Variants in MUC7 observed in about 807,000 individuals in gnomAD.
MUC7 encodes the protein mucin-7.
In MUC7, 2 loss-of-function variants were observed where a neutral mutation model predicts 2.5. The ratio of observed to expected loss-of-function variants is 0.81; its 90% CI spans 0.33 to 2.55. The LOEUF (loss-of-function observed/expected upper bound fraction) is 2.55. Among genes scored for constraint, MUC7 ranks in the 30% most tolerant of loss-of-function variants. MUC7 has a pLI of 0.11. For synonymous variants in MUC7, 133 were observed against 173.4 expected (o/e 0.77, Z 1.83); for missense variants, 408 against 455.6 (o/e 0.90, Z 0.95).
intron 1 of MUC7, among the ~76,000 whole-genome samples, chr4:70,449,856 C>A (rs1260381791): frequency 3.3e-5 from 5 of 152,192 alleles, no homozygotes; most frequent in Admixed American, 3.3e-4. Flanking sequence ...GTGACACAAG[C>A]ACCTCTGTGG....
At chr4:70,434,330 G>T (rs1054141755) in intron 1 of MUC7, among the ~76,000 whole-genome samples, 2 of 152,136 alleles carry the variant, frequency 1.3e-5, no homozygotes, top group African/African-American at 4.8e-5. Flanking sequence ...GTAGAATTCA[G>T]CTGTGAATCC....
At chr4:70,449,389 T>TA (rs1262264860) in intron 1 of MUC7, among the ~76,000 whole-genome samples, 10 of 152,154 alleles carry the variant, frequency 6.6e-5, no homozygotes, top group African/African-American at 1.4e-4. Context: ...GGTTTCCCCT[T>TA]AAAAAACCAC....
rs767498327 is a variant in MUC7 at position 70,481,118 on chromosome 4, C to T, written c.374C>T (p.Thr125Ile). ...CCATCAGCTTCCACCAAAATTACTACCCTTCCAAATGTGACTTTTCTTCCC... is the reference window on the plus strand; with the variant it reads ...CCATCAGCTTCCACCAAAATTACTATCCTTCCAAATGTGACTTTTCTTCCC... ...TFPSASTKIT[T>I]LPNVTFLPQN... The change falls in exon 3 of 3, where the codon ACC becomes ATC. Residue 125 changes from threonine to isoleucine, a missense_variant. By Grantham distance (89) the Thr-to-Ile change is moderately conservative. Transcript: ENST00000304887. 8 of 1,614,172 alleles carry T rather than the reference C, an allele frequency of 5.0e-6. No individual in the cohort carries two copies. In the East Asian group the frequency reaches 1.3e-4, roughly 27 times the overall value.
Position 70,481,690 on chromosome 4 carries a change from A to T in MUC7, c.946A>T (p.Thr316Ser). The change falls in exon 3 of 3, where the codon ACT becomes TCT. Residue 316 changes from threonine (T) to serine (S), a missense_variant. Thr to Ser is a moderately conservative substitution (Grantham distance 58). Coordinates refer to ENST00000304887, the MANE Select transcript of MUC7 (RefSeq NM_152291.3). ...AATTACCACACCTAATTCTTCCCCA[A>T]CTACTCTTGCACCTGACACTTCTGA... ...APITTPNSSP[T>S]TLAPDTSETS... is the part of the protein sequence containing the mutation. 1 of 1,614,106 alleles carries T rather than the reference A, an allele frequency of 6.2e-7. No individual in the cohort carries two copies. Among genetic ancestry groups the T allele is most frequent in the Non-Finnish European group, 8.5e-7 (1 of 1,180,012 alleles).
intron 1 of MUC7, among the ~76,000 whole-genome samples, chr4:70,447,088 A>G (rs1734162748): frequency 1.3e-5 from 2 of 152,186 alleles, no homozygotes; most frequent in South Asian, 2.1e-4. Flanking sequence ...AAGAGGGGCA[A>G]CCTTTCCAAA....
intron 1 of MUC7, among the ~76,000 whole-genome samples, chr4:70,457,623 A>G (rs2109722481): frequency 6.6e-6 from 1 of 152,294 alleles, no homozygotes; most frequent in East Asian, 1.9e-4. Context: ...TAAAAAATTT[A>G]GCAATAAAAA....
chr4:70,460,883 G>A (rs1734539668), intron 1 of MUC7, among the ~76,000 whole-genome samples: 2 of 152,190 alleles, frequency 1.3e-5, no homozygotes, highest in African/African-American at 2.4e-5. Context: ...CCACATAGGT[G>A]TTAAGGGTGT....
chr4:70,434,348 C>G lies in MUC7; in HGVS notation c.-93+3661C>G, dbSNP rs546226608. On this transcript the variant is annotated intron_variant, in intron 1 of 3. Coordinates refer to the MUC7 transcript ENST00000413702. ...GAATTCAGCTGTGAATCCATCTGGT[C>G]CTGGACTTTTTTTGTTGGTAAGCTA... is the stretch of plus-strand genomic sequence containing the variant. 1.1e-4 allele frequency among the ~76,000 whole-genome samples: 17 copies of G among 152,174 alleles called. No homozygotes were observed. In the South Asian group the frequency reaches 2.3e-3, roughly 20 times the overall value.
At chr4:70,460,606 C>T (rs35299468) in intron 1 of MUC7, among the ~76,000 whole-genome samples, 65,946 of 151,648 alleles carry the variant, frequency 0.43, 15,223 homozygotes, top group Admixed American at 0.5. Context: ...CTGAAAAGCA[C>T]ACACTTTGGT....
intron 1 of MUC7, among the ~76,000 whole-genome samples, chr4:70,443,970 T>G (rs898165060): frequency 3.3e-5 from 5 of 152,140 alleles, no homozygotes; most frequent in African/African-American, 1.2e-4. Flanking sequence ...TAAGCCCAAA[T>G]CCACTGGACA....
chr4:70,438,468 T>A (rs1733919024), intron 1 of MUC7, among the ~76,000 whole-genome samples: 1 of 152,090 alleles, frequency 6.6e-6, no homozygotes, highest in Non-Finnish European at 1.5e-5. Flanking sequence ...TTGGTTTGGT[T>A]TGGTTTTGAG....
chr4:70,460,997 C>G (rs1021740709), intron 1 of MUC7, among the ~76,000 whole-genome samples: 1 of 152,174 alleles, frequency 6.6e-6, no homozygotes, highest in African/African-American at 2.4e-5. Context: ...GGATCTCTCC[C>G]ATAGTCAGAT....
chr4:70,466,522 G>A (rs1369286608), intron 1 of MUC7, among the ~76,000 whole-genome samples: 1 of 152,018 alleles, frequency 6.6e-6, no homozygotes, highest in Non-Finnish European at 1.5e-5. Context: ...CCCATCTTAT[G>A]TGCAAAGACA....
chr4:70,439,355 T>C (rs1385731996), intron 1 of MUC7, among the ~76,000 whole-genome samples: 1 of 152,154 alleles, frequency 6.6e-6, no homozygotes, highest in Non-Finnish European at 1.5e-5. Flanking sequence ...GCAAAAAGTC[T>C]GGATTTCATT....
intron 1 of MUC7, among the ~76,000 whole-genome samples, chr4:70,445,005 C>G (rs1354531747): frequency 6.6e-6 from 1 of 152,046 alleles, no homozygotes; most frequent in Non-Finnish European, 1.5e-5. Flanking sequence ...CACTCTACTC[C>G]AGCCTGGGTG....
chr4:70,480,645 G>A (rs573282309), intron 2 of MUC7, among the ~76,000 whole-genome samples, 154 bp from the exon 3 acceptor site: 4 of 152,294 alleles, frequency 2.6e-5, no homozygotes, highest in African/African-American at 9.6e-5. Flanking sequence ...TTGAAACTTG[G>A]TGAAATTAGG....
chr4:70,438,665 C>T (rs952945508), intron 1 of MUC7, among the ~76,000 whole-genome samples: 1 of 152,062 alleles, frequency 6.6e-6, no homozygotes, highest in African/African-American at 2.4e-5. Context: ...ACCATGTTGG[C>T]CAGGCTGGTC....
intron 2 of MUC7, among the ~76,000 whole-genome samples, chr4:70,474,299 G>A (rs1734928620): frequency 6.6e-6 from 1 of 152,030 alleles, no homozygotes; most frequent in African/African-American, 2.4e-5. Flanking sequence ...CTTGAGCTCA[G>A]AGAAGTTCAA....
chr4:70,471,577 T>C (rs1734835979), upstream of MUC7, among the ~76,000 whole-genome samples: 1 of 152,182 alleles, frequency 6.6e-6, no homozygotes, highest in African/African-American at 2.4e-5. Context: ...CTAAGATATA[T>C]AGCAAAATGT....
Sources: gnomAD v4.1 joint callset for allele counts (sites outside exome capture counted in the v4.1 genomes callset) on GRCh38, gnomAD v4.1.1 for gene constraint, MANE v1.5 for transcripts, NCBI Gene and HGNC (gene_info 2026-07-23, HGNC 2026-07-21) for gene names.